RIMS2: variants seen among roughly 807,000 people sequenced by gnomAD.
The protein encoded by RIMS2 is regulating synaptic membrane exocytosis protein 2.
Under a neutral mutation model 174.4 loss-of-function variants are expected in RIMS2, and 59 were observed. The ratio of observed to expected loss-of-function variants is 0.34; its 90% CI spans 0.27 to 0.42. The LOEUF is 0.42. RIMS2 is among the 10% of genes least tolerant of loss of function. The pLI, the probability that RIMS2 is intolerant of heterozygous loss-of-function variation, is 1.00. For synonymous variants in RIMS2, 606 were observed against 572.5 expected (o/e 1.06, Z -0.84); for missense variants, 1,620 against 1,666.3 (o/e 0.97, Z 0.48).
At chr8:103,573,055 T>C (rs1328457543) in intron 1 of RIMS2, among the ~76,000 whole-genome samples, 1 of 148,562 alleles carries the variant, frequency 6.7e-6, no homozygotes, top group African/African-American at 2.5e-5. Context: ...TACATTTAAG[T>C]CTTCAATCCA....
chr8:103,795,511 A>G (rs905609623), intron 3 of RIMS2, among the ~76,000 whole-genome samples: 2 of 152,186 alleles, frequency 1.3e-5, no homozygotes, highest in Non-Finnish European at 2.9e-5. Flanking sequence ...GCACACCAAC[A>G]TGGCACATGT....
chr8:104,225,183 C>G (rs2099178745), intron 19 of RIMS2, among the ~76,000 whole-genome samples: 1 of 152,126 alleles, frequency 6.6e-6, no homozygotes, highest in African/African-American at 2.4e-5. Context: ...CCACAACAAC[C>G]TTATGAAGCA....
intron 1 of RIMS2, among the ~76,000 whole-genome samples, chr8:103,695,899 C>A (rs2097095417): frequency 6.6e-6 from 1 of 151,974 alleles, no homozygotes; most frequent in Non-Finnish European, 1.5e-5. Flanking sequence ...TGGGTTTTAG[C>A]AGTTTGACTA....
intron 1 of RIMS2, among the ~76,000 whole-genome samples, chr8:103,557,879 AGTC>A (rs1021690458): frequency 3.3e-5 from 5 of 152,196 alleles, no homozygotes; most frequent in African/African-American, 1.2e-4. Context: ...GAAAATGAGT[AGTC>A]TGTGCTCCAG....
At position 103,871,418 on chromosome 8, in the gene RIMS2, G is replaced by T. The variant is rs922374447; in HGVS notation, c.699-13880G>T. 4.6e-5 allele frequency among the ~76,000 whole-genome samples: 7 copies of T among 152,200 alleles called. No homozygotes were observed. In the East Asian group the frequency reaches 1.3e-3, roughly 29 times the overall value. On this transcript the variant is annotated intron_variant, in intron 3 of 23. Coordinates refer to ENST00000504942, the Ensembl canonical transcript of RIMS2. ...AAATAAATAACTAAATAAAGTCAAA[G>T]GGACTTTGTATAATATAAAAATCTA... is the stretch of plus-strand genomic sequence containing the variant.
chr8:104,174,446 A>G (rs915095573), intron 19 of RIMS2, among the ~76,000 whole-genome samples: 3 of 152,170 alleles, frequency 2.0e-5, no homozygotes, highest in African/African-American at 7.2e-5. Flanking sequence ...TAATGACAAT[A>G]TATTACCTTC....
At chr8:103,551,343 A>G (rs1847808998) in intron 1 of RIMS2, among the ~76,000 whole-genome samples, 1 of 152,218 alleles carries the variant, frequency 6.6e-6, no homozygotes, top group South Asian at 2.1e-4. Context: ...AATCAAAGAC[A>G]AAAACCACAT....
intron 19 of RIMS2, among the ~76,000 whole-genome samples, chr8:104,119,151 TC>T (rs1478316175): frequency 1.4e-5 from 2 of 147,406 alleles, no homozygotes; most frequent in Non-Finnish European, 3.0e-5. Context: ...ATCAAGACCA[TC>T]CTAGCCAACA....
rs1367395766 is a variant in RIMS2, at chr8:103,604,192, G to A, written c.177-92894G>A. On this transcript the variant is annotated intron_variant, in intron 1 of 23. Transcript: ENST00000504942. ...ATTTTTGTATAAGGTGTAAGGAAGGGATCCAGTTTCAGCTTTCTACATATG... is the reference window on the plus strand; with the variant it reads ...ATTTTTGTATAAGGTGTAAGGAAGGAATCCAGTTTCAGCTTTCTACATATG... Among the ~76,000 whole-genome samples, 86 of 150,954 alleles carry A rather than the reference G, an allele frequency of 5.7e-4. 2 individuals carry two copies. The South Asian group carries it at 0.016, about 29-fold the overall frequency.
intron 15 of RIMS2, 57 bp from the exon 18 acceptor site, chr8:103,975,293 G>A (rs905693339): frequency 4.4e-5 from 52 of 1,193,738 alleles, no homozygotes; most frequent in Non-Finnish European, 6.2e-5. Flanking sequence ...AAGTAGAAGA[G>A]ACGCAAAGGA....
At chr8:103,669,355 T>C (rs2096716130) in intron 1 of RIMS2, among the ~76,000 whole-genome samples, 1 of 152,214 alleles carries the variant, frequency 6.6e-6, no homozygotes, top group African/African-American at 2.4e-5. Context: ...GGGACATAGC[T>C]GTACCATATC....
chr8:103,942,920 T>G, exon 14 of RIMS2: 1 of 1,602,758 alleles, frequency 6.2e-7, no homozygotes, highest in Non-Finnish European at 8.5e-7. Context: ...AACACGGAGG[T>G]TGCAAAGTAA....
intron 19 of RIMS2, among the ~76,000 whole-genome samples, chr8:104,149,634 A>T (rs2098673056): frequency 6.6e-6 from 1 of 152,198 alleles, no homozygotes; most frequent in Non-Finnish European, 1.5e-5. Context: ...TACTTGACAA[A>T]CAAATGCATG....
chr8:104,039,264 A>G (rs1286596063), intron 19 of RIMS2, among the ~76,000 whole-genome samples: 1 of 151,744 alleles, frequency 6.6e-6, no homozygotes, highest in Non-Finnish European at 1.5e-5. Flanking sequence ...TTATTGGGTC[A>G]TATAGTACCT....
At chr8:103,518,007 G>C (rs1028873131) in intron 1 of RIMS2, among the ~76,000 whole-genome samples, 1 of 152,030 alleles carries the variant, frequency 6.6e-6, no homozygotes, top group East Asian at 1.9e-4. Flanking sequence ...CCCTTGGCCC[G>C]CGGGTTGGAC....
At chr8:103,967,132 A>G (rs944415672) in intron 15 of RIMS2, among the ~76,000 whole-genome samples, 2 of 92,888 alleles carry the variant, frequency 2.2e-5, no homozygotes, top group African/African-American at 8.8e-5. Flanking sequence ...GAGTTCACTT[A>G]TCTTCTTACT....
At chr8:104,160,801 C>G (rs1348342702) in intron 19 of RIMS2, among the ~76,000 whole-genome samples, 1 of 152,132 alleles carries the variant, frequency 6.6e-6, no homozygotes, top group Non-Finnish European at 1.5e-5. Context: ...TCCCTACTAC[C>G]TCATAGCTTC....
intron 2 of RIMS2, among the ~76,000 whole-genome samples, chr8:103,711,591 C>A (rs2097304362): frequency 6.6e-6 from 1 of 151,974 alleles, no homozygotes; most frequent in African/African-American, 2.4e-5. Context: ...TATGCAGCTC[C>A]AAGATTTGAT....
intron 4 of RIMS2, among the ~76,000 whole-genome samples, chr8:103,897,117 T>C (rs1190746367): frequency 6.6e-6 from 1 of 151,756 alleles, no homozygotes; most frequent in Non-Finnish European, 1.5e-5. Context: ...CCAGACATCC[T>C]TTTCTTCAAT....
Sources: gnomAD v4.1 joint callset for allele counts (sites outside exome capture counted in the v4.1 genomes callset) on GRCh38, gnomAD v4.1.1 for gene constraint, MANE v1.5 for transcripts, NCBI Gene and HGNC (gene_info 2026-07-23, HGNC 2026-07-21) for gene names.